The following SSC5D variants were observed in gnomAD, a reference collection of about 807,000 sequenced individuals.
SSC5D encodes scavenger receptor cysteine rich family member with 5 domains, also known as soluble scavenger receptor cysteine-rich domain-containing protein SSC5D.
Under a neutral mutation model 104.6 loss-of-function variants are expected in SSC5D, and 106 were observed. The ratio of observed to expected loss-of-function variants is 1.01; its 90% CI spans 0.87 to 1.19. SSC5D has a LOEUF of 1.19. SSC5D is among the 50% of genes most tolerant of loss of function. The probability of loss-of-function intolerance (pLI) is 0.00; values close to 1 mark genes in which losing one functional copy is unlikely to be tolerated. For missense variants in SSC5D, 1,993 were observed against 2,153.8 expected, an observed-to-expected ratio of 0.93 and a Z score of 1.48; for synonymous variants, 860 against 883.5, an observed-to-expected ratio of 0.97 and a Z score of 0.47.
rs1384263623 is a variant in SSC5D at position 55,517,250 on chromosome 19, C to T, written c.2974C>T (p.Arg992Cys). Reference protein sequence around the residue: ...TGSPRKPWPERRPPRPAATRT... With the variant: ...TGSPRKPWPECRPPRPAATRT... The stretch of plus-strand genomic sequence containing the variant: ...TTCCCCGAGGAAACCGTGGCCCGAG[C>T]GCCGGCCACCGCGGCCCGCTGCGAC... Residue 992 changes from arginine to cysteine, a missense_variant, in exon 14 of 14, where the codon CGC becomes TGC. Arg to Cys is a radical substitution (Grantham distance 180). This residue lies in a region of SSC5D where 423 missense variants were observed against 409.2 expected (regional missense o/e 1.03). Coordinates refer to ENST00000389623, the MANE Select transcript of SSC5D (RefSeq NM_001144950.2). The T allele has an allele frequency of 6.5e-7, 1 of 1,541,730 alleles. No homozygotes were observed.
In SSC5D at chr19:55,488,454, A is replaced by C; in HGVS notation, c.-136A>C. The stretch of plus-strand genomic sequence containing the variant: ...CTTTCTTCCTCCTGGCAAAGCGTCC[A>C]GCCCTGCCTGCTCCTCCTCGGGCCT... On this transcript the variant is annotated 5_prime_UTR_variant, in exon 1 of 14. Transcript: ENST00000389623. 1.8e-6 allele frequency: 1 copy of C among 569,036 alleles called. No individual in the cohort carries two copies. Among genetic ancestry groups the C allele is most frequent in the Admixed American group, 2.6e-5 (1 of 38,776 alleles). 35.2% of individuals were successfully genotyped at this position (569,036 alleles called of 1,614,324 possible). A position where few individuals can be genotyped will look rare whatever the true frequency, so the allele number is the denominator to read the frequency against.
rs2123448061 is a variant in SSC5D, at chr19:55,503,683, T to C, written c.2785+2482T>C. Among the ~76,000 whole-genome samples, 1 of 151,542 alleles carries C rather than the reference T, an allele frequency of 6.6e-6. No individual in the cohort carries two copies. Among genetic ancestry groups the C allele is most frequent in the East Asian group, 2.0e-4 (1 of 5,104 alleles). On this transcript the variant is annotated intron_variant, in intron 12 of 13. Transcript: ENST00000389623. This position sits in a 1 kb window ranked among gnomAD's most constrained non-coding sequence, Gnocchi z 4.0. ...TCTCCGTCTTCTCCCTCCCTTCCAC[T>C]CTCCCGCCCTGCTCGCCGTCTGGGG... is the stretch of plus-strand genomic sequence containing the variant.
rs1372685703 is a variant in SSC5D at position 55,490,831 on chromosome 19, G to A, written c.646G>A (p.Gly216Ser). Reference protein sequence around the residue: ...RCAGRLEVWHGGRWGTVCDDG... With the variant: ...RCAGRLEVWHSGRWGTVCDDG... ...CGCCGGACGCCTGGAGGTCTGGCACGGCGGGCGCTGGGGCACCGTATGTGA... is the reference window on the plus strand; with the variant it reads ...CGCCGGACGCCTGGAGGTCTGGCACAGCGGGCGCTGGGGCACCGTATGTGA... The change falls in exon 6 of 14, where the codon GGC (glycine) becomes AGC (serine). Residue 216 changes from glycine to serine, a missense_variant. By Grantham distance (56) the Gly-to-Ser change is moderately conservative. Transcript: ENST00000389623. The A allele has an allele frequency of 7.8e-6, 12 of 1,547,084 alleles. No homozygotes were observed. Among genetic ancestry groups the A allele is most frequent in the African/African-American group, 1.4e-5 (1 of 72,950 alleles).
intron 13 of SSC5D, among the ~76,000 whole-genome samples, chr19:55,515,385 A>C (rs1198164737): frequency 7.5e-6 from 1 of 134,050 alleles, no homozygotes; most frequent in Non-Finnish European, 1.6e-5. Flanking sequence ...AACAGGAGTG[A>C]AACTCCGTCT....
chr19:55,512,141 A>G lies in SSC5D; in HGVS notation c.2786-870A>G, dbSNP rs1987770662. 1.3e-5 allele frequency among the ~76,000 whole-genome samples: 2 copies of G among 150,716 alleles called. 1 individual carries two copies. Among genetic ancestry groups the G allele is most frequent in the Admixed American group, 1.3e-4 (2 of 15,044 alleles). Reference sequence around the variant, plus strand: ...CTTGACCCCGGGAGGCAGAGCTTGCAGTGAGCCGATATTGCGCCACTGTAC... The same window carrying G: ...CTTGACCCCGGGAGGCAGAGCTTGCGGTGAGCCGATATTGCGCCACTGTAC... On this transcript the variant is annotated intron_variant, in intron 12 of 13. Transcript: ENST00000389623.
chr19:55,518,643 C>T lies in SSC5D; in HGVS notation c.4367C>T (p.Pro1456Leu). ...AHPLDHPPLD[P>L]LTLGPTPGQS... The stretch of plus-strand genomic sequence containing the variant: ...CCCTTGGATCATCCTCCCCTTGACC[C>T]CCTCACCCTAGGGCCAACTCCTGGT... The change falls in exon 14 of 14, where the codon CCC becomes CTC. Residue 1456 changes from proline (P) to leucine (L), a missense_variant. By Grantham distance (98) the Pro-to-Leu change is moderately conservative. Around this residue, in one of 6 missense-constraint regions of SSC5D, gnomAD observed 349 missense variants for 397.6 expected, o/e 0.88. Coordinates refer to ENST00000389623, the MANE Select transcript of SSC5D (RefSeq NM_001144950.2). The T allele has an allele frequency of 3.9e-6, 6 of 1,535,196 alleles. No homozygotes were observed. The highest frequency in any genetic ancestry group is 3.7e-5 in the South Asian group (3 of 81,410).
At chr19:55,490,518 G>A in intron 5 of SSC5D, 110 bp downstream of exon 5, 1 of 609,150 alleles carries the variant, frequency 1.6e-6, no homozygotes, top group Non-Finnish European at 2.9e-6. Context: ...GCCCTGGAGG[G>A]ATCCCAGTGT....
chr19:55,502,814 C>A (rs1466245568), intron 12 of SSC5D, among the ~76,000 whole-genome samples: 1 of 150,850 alleles, frequency 6.6e-6, no homozygotes, highest in Non-Finnish European at 1.5e-5. Flanking sequence ...CACCACCATG[C>A]CTGGCTAATT....
chr19:55,489,773 A>T, intron 3 of SSC5D, 109 bp from the exon 4 acceptor site: 1 of 1,480,254 alleles, frequency 6.8e-7, no homozygotes, highest in Non-Finnish European at 9.2e-7. Flanking sequence ...GAGACACCCA[A>T]CCTCCCATCC....
intron 12 of SSC5D, among the ~76,000 whole-genome samples, chr19:55,505,535 T>C (rs1987620392): frequency 6.6e-6 from 1 of 151,760 alleles, no homozygotes; most frequent in African/African-American, 2.4e-5. Context: ...TGGGCTAAGA[T>C]CAAGGCGCCA....
rs1289738417 is a variant in SSC5D, at chr19:55,500,999, G to A, written c.2618-35G>A. ...CAGCAGCAAGGACCTCTGAGAAAGA[G>A]GATGGGGTCAACCATTACCCCAATT... On this transcript the variant is annotated intron_variant, in intron 11 of 13. Coordinates refer to ENST00000389623, the MANE Select transcript of SSC5D (RefSeq NM_001144950.2). This position sits in a 1 kb window ranked among gnomAD's most constrained non-coding sequence, Gnocchi z 4.6. 1 of 1,550,562 alleles carries A rather than the reference G, an allele frequency of 6.4e-7. No homozygotes were observed. Among genetic ancestry groups the A allele is most frequent in the Non-Finnish European group, 8.7e-7 (1 of 1,146,034 alleles).
At chr19:55,499,383 G>A (rs551002803) in intron 9 of SSC5D, among the ~76,000 whole-genome samples, 24 of 152,320 alleles carry the variant, frequency 1.6e-4, no homozygotes, top group Non-Finnish European at 3.4e-4. Flanking sequence ...AGGGCCACGG[G>A]GGCACCACAG....
chr19:55,510,444 G>T (rs1174941121), intron 12 of SSC5D, among the ~76,000 whole-genome samples: 2 of 152,150 alleles, frequency 1.3e-5, no homozygotes, highest in African/African-American at 2.4e-5. Flanking sequence ...CGCCTCCCAG[G>T]TTCAAGTGAT....
rs976045522 is a variant in SSC5D, at chr19:55,490,960, C to T, written c.775C>T (p.Pro259Ser). 5 of 1,546,664 alleles carry T rather than the reference C, an allele frequency of 3.2e-6. No individual in the cohort carries two copies. Among genetic ancestry groups the T allele is most frequent in the Non-Finnish European group, 4.4e-6 (5 of 1,145,014 alleles). ...TGCCAGATTCGGGCCTGGTGCAGGGCCCGTGTGGATGGACGATGTGGGGTG... is the reference window on the plus strand; with the variant it reads ...TGCCAGATTCGGGCCTGGTGCAGGGTCCGTGTGGATGGACGATGTGGGGTG... ...GGARFGPGAG[P>S]VWMDDVGCGG... Residue 259 changes from proline (P) to serine (S), a missense_variant, in exon 6 of 14, where the codon CCC becomes TCC. By Grantham distance (74) the Pro-to-Ser change is moderately conservative. Transcript: ENST00000389623.
intron 12 of SSC5D, among the ~76,000 whole-genome samples, chr19:55,506,764 C>G (rs987067863): frequency 6.6e-6 from 1 of 152,128 alleles, no homozygotes; most frequent in Admixed American, 6.6e-5. Flanking sequence ...ATACAAACGT[C>G]AGTTCATGTG....
At position 55,517,479 on chromosome 19, in the gene SSC5D, A is replaced by G. The variant is rs2123461475; in HGVS notation, c.3203A>G (p.Asp1068Gly). 6.4e-7 allele frequency: 1 copy of G among 1,550,928 alleles called. No homozygotes were observed. Among genetic ancestry groups the G allele is most frequent in the Non-Finnish European group, 8.7e-7 (1 of 1,146,948 alleles). The stretch of plus-strand genomic sequence containing the variant: ...CCCGACCTCATCTTGACAAGCCCTG[A>G]CTTTGCTTTGTCCACCCCTGACTCC... ...TNPDLILTSP[D>G]FALSTPDSSV... Residue 1068 changes from aspartate to glycine, a missense_variant, in exon 14 of 14, where the codon GAC (aspartate) becomes GGC (glycine). Physicochemically the swap from Asp to Gly is moderately conservative, Grantham distance 94 (BLOSUM62 -1). This residue lies in a region of SSC5D where 423 missense variants were observed against 409.2 expected (regional missense o/e 1.03). Coordinates refer to ENST00000389623, the MANE Select transcript of SSC5D (RefSeq NM_001144950.2).
chr19:55,501,871 G>A (rs1426748326), intron 12 of SSC5D, among the ~76,000 whole-genome samples: 1 of 152,120 alleles, frequency 6.6e-6, no homozygotes, highest in Non-Finnish European at 1.5e-5. Flanking sequence ...CTCTGCTCCT[G>A]TTTCTCACTT....
intron 8 of SSC5D, among the ~76,000 whole-genome samples, chr19:55,495,956 G>A (rs1187111249): frequency 7.0e-6 from 1 of 143,544 alleles, no homozygotes; most frequent in Non-Finnish European, 1.5e-5. Flanking sequence ...GTCCAGGTTG[G>A]TCTCAAACTC....
In SSC5D at chr19:55,489,481, G is replaced by T. The variant is rs1178976427; in HGVS notation, c.180G>T (p.Gln60His). 1.4e-6 allele frequency: 2 copies of T among 1,473,822 alleles called. No individual in the cohort carries two copies. The highest frequency in any genetic ancestry group is 1.8e-6 in the Non-Finnish European group (2 of 1,119,982). The allele number at this position is 1,473,822 out of a possible 1,614,324, so 91.3% of individuals were successfully genotyped here. ...DLRDAAVACRQLGCGGALAAP... is the reference protein window; with the variant it reads ...DLRDAAVACRHLGCGGALAAP... ...GCGATGCCGCCGTGGCCTGCCGGCA[G>T]CTGGGCTGCGGAGGGGCACTGGCCG... The change falls in exon 3 of 14, where the codon CAG becomes CAT. Residue 60 changes from glutamine to histidine, a missense_variant. Physicochemically the swap from Gln to His is conservative, Grantham distance 24. Transcript: ENST00000389623.
Sources: gnomAD v4.1 joint callset for allele counts (sites outside exome capture counted in the v4.1 genomes callset) on GRCh38, gnomAD v4.1.1 for gene constraint, gnomAD v4.1.1 regional missense constraint, Gnocchi (gnomAD v3.1) non-coding constraint, MANE v1.5 for transcripts, NCBI Gene and HGNC (gene_info 2026-07-23, HGNC 2026-07-21) for gene names.